PICALM: variants seen among roughly 807,000 people sequenced by gnomAD.
PICALM encodes the protein phosphatidylinositol-binding clathrin assembly protein.
PICALM carries 40 observed loss-of-function variants against 80.5 expected under a neutral mutation model. The ratio of observed to expected loss-of-function variants is 0.50; its 90% confidence interval spans 0.39 to 0.65. PICALM has a LOEUF of 0.65. Among genes scored for constraint, PICALM ranks in the 30% least tolerant of loss-of-function variants. The pLI is 0.00. For synonymous variants in PICALM, 288 were observed against 260.3 expected, an observed-to-expected ratio of 1.11 and a Z score of -1.02; for missense variants, 676 against 778.9, an observed-to-expected ratio of 0.87 and a Z score of 1.57.
chr11:85,959,160 T>A, intron 19 of PICALM, 100 bp from the exon 20 acceptor site: 1 of 693,504 alleles, frequency 1.4e-6, no homozygotes, highest in Non-Finnish European at 2.4e-6. Context: ...GGCCCAGAAG[T>A]GTTCACAACA....
chr11:86,014,143 A>T (rs1184731813), intron 5 of PICALM, among the ~76,000 whole-genome samples: 1 of 152,216 alleles, frequency 6.6e-6, no homozygotes, highest in Non-Finnish European at 1.5e-5. Context: ...CAGAGAACAA[A>T]AGTGACCTAG....
Position 85,958,988 on chromosome 11 carries a change from A to G in PICALM, c.*58T>C, listed in dbSNP as rs997930782. 11 of 1,383,386 alleles carry G rather than the reference A, an allele frequency of 8.0e-6. No individual in the cohort carries two copies. The South Asian group carries it at 1.2e-4, about 15-fold the overall frequency. 85.7% of individuals were successfully genotyped at this position (1,383,386 alleles called of 1,614,324 possible). ...AGCAGTTTGGATTTTGCTGGAAGTA[A>G]GGATTTTGCTGCTTGAGCACTTGTC... On this transcript the variant is annotated 3_prime_UTR_variant, in exon 20 of 20. Transcript: ENST00000393346.
chr11:86,057,655 A>G (rs1274268781), intron 1 of PICALM, among the ~76,000 whole-genome samples: 1 of 152,220 alleles, frequency 6.6e-6, no homozygotes, highest in African/African-American at 2.4e-5. Context: ...CATGGATTCA[A>G]TCATGAATCG....
rs559198882 is a variant in PICALM at position 86,005,951 on chromosome 11, C to T, written c.807+1591G>A. ...TCATCAATACAGAGGAAAAGAGGAA[C>T]GGAGGTTAAAGAACCCTACTCTAAT... is the stretch of plus-strand genomic sequence containing the variant. On this transcript the variant is annotated intron_variant, in intron 8 of 19. Coordinates refer to ENST00000393346, the MANE Select transcript of PICALM (RefSeq NM_007166.4). 9.9e-4 allele frequency among the ~76,000 whole-genome samples: 150 copies of T among 152,156 alleles called. 1 individual carries two copies. Among genetic ancestry groups the T allele is most frequent in the African/African-American group, 3.3e-3 (135 of 41,504 alleles).
At chr11:86,053,246 G>A (rs540998678) in intron 1 of PICALM, among the ~76,000 whole-genome samples, 10 of 152,302 alleles carry the variant, frequency 6.6e-5, no homozygotes, top group South Asian at 6.2e-4. Flanking sequence ...AACCTAACTC[G>A]AGTATATTCT....
At chr11:86,010,376 G>A (rs1318609372) in intron 7 of PICALM, among the ~76,000 whole-genome samples, 1 of 151,356 alleles carries the variant, frequency 6.6e-6, no homozygotes, top group African/African-American at 2.4e-5. Flanking sequence ...GCCCAGCCTG[G>A]AGTGCAGTGG....
chr11:86,035,779 CT>C (rs1452420691), intron 1 of PICALM, among the ~76,000 whole-genome samples: 1 of 64,704 alleles, frequency 1.5e-5, no homozygotes, highest in East Asian at 3.7e-4. Context: ...TCTGTCTCTA[CT>C]AAAAAAAAAA....
chr11:85,958,471 A>C lies in PICALM; in HGVS notation c.*575T>G, dbSNP rs1046906061. 9.6e-6 allele frequency: 2 copies of C among 209,420 alleles called. No homozygotes were observed. Among genetic ancestry groups the C allele is most frequent in the Admixed American group, 5.9e-5 (1 of 16,938 alleles). 13.0% of individuals were successfully genotyped at this position (209,420 alleles called of 1,614,324 possible). On this transcript the variant is annotated 3_prime_UTR_variant, in exon 20 of 20. Transcript: ENST00000393346. ...TCATAAGGAGGTCTGATACAATATT[A>C]ATGTTATGTAAAATTGATAATCATA...
At chr11:86,063,487 G>A (rs889887606) in intron 1 of PICALM, among the ~76,000 whole-genome samples, 4 of 151,966 alleles carry the variant, frequency 2.6e-5, no homozygotes, top group Non-Finnish European at 4.4e-5. Context: ...ATGAATAAGC[G>A]GCTACAAAAA....
At chr11:85,994,056 C>T (rs2094882018) in intron 12 of PICALM, among the ~76,000 whole-genome samples, 1 of 152,144 alleles carries the variant, frequency 6.6e-6, no homozygotes, top group African/African-American at 2.4e-5. Context: ...TTTTGTGTTT[C>T]ATGCCAGCTA....
chr11:86,068,175 G>A (rs890996944), intron 1 of PICALM, among the ~76,000 whole-genome samples: 9 of 152,206 alleles, frequency 5.9e-5, no homozygotes, highest in African/African-American at 2.2e-4. Context: ...AGGCAGCCCG[G>A]AGGGATAACA....
chr11:86,000,893 T>C, intron 10 of PICALM, 114 bp from the exon 11 acceptor site: 1 of 1,483,642 alleles, frequency 6.7e-7, no homozygotes, highest in Non-Finnish European at 9.2e-7. Context: ...TTTACCTAAT[T>C]CTATGTCAGG....
chr11:86,004,331 T>C (rs1396322923), intron 8 of PICALM, among the ~76,000 whole-genome samples: 2 of 152,180 alleles, frequency 1.3e-5, no homozygotes, highest in Non-Finnish European at 2.9e-5. Context: ...ACTTGTATGA[T>C]TACGCTTATA....
chr11:85,976,908 T>C, intron 17 of PICALM: 1 of 398,330 alleles, frequency 2.5e-6, no homozygotes, highest in Non-Finnish European at 4.6e-6. Flanking sequence ...CACTTAAACT[T>C]AGATACAGCA....
chr11:86,030,458 G>A (rs188549773), intron 2 of PICALM, among the ~76,000 whole-genome samples: 1 of 152,176 alleles, frequency 6.6e-6, no homozygotes, highest in African/African-American at 2.4e-5. Flanking sequence ...TCTCTAGAAG[G>A]TTATCTTCCC....
intron 1 of PICALM, among the ~76,000 whole-genome samples, chr11:86,046,196 C>T (rs1377360900): frequency 6.6e-6 from 1 of 152,138 alleles, no homozygotes; most frequent in Non-Finnish European, 1.5e-5. Context: ...CACTGAAGTT[C>T]TGCTCTAGAC....
chr11:85,972,457 T>C (rs370517531), intron 19 of PICALM, among the ~76,000 whole-genome samples: 34 of 152,240 alleles, frequency 2.2e-4, no homozygotes, highest in African/African-American at 8.0e-4. Flanking sequence ...CAAGTCTGTC[T>C]TCTTTACCTA....
intron 12 of PICALM, among the ~76,000 whole-genome samples, chr11:85,993,842 T>C (rs780664710): frequency 3.3e-5 from 5 of 152,006 alleles, no homozygotes. Flanking sequence ...CGCCTTTAAG[T>C]CCTAAACAAC....
At chr11:85,976,710 A>G (rs1201777703) in intron 17 of PICALM, 28 bp from the exon 18 acceptor site, 3 of 1,387,838 alleles carry the variant, frequency 2.2e-6, no homozygotes, top group Non-Finnish European at 3.1e-6. Context: ...AAAATGAACA[A>G]GAAAGTATAA....
Sources: gnomAD v4.1 joint callset for allele counts (sites outside exome capture counted in the v4.1 genomes callset) on GRCh38, gnomAD v4.1.1 for gene constraint, MANE v1.5 for transcripts, NCBI Gene and HGNC (gene_info 2026-07-23, HGNC 2026-07-21) for gene names.